The following ARID4B variants were observed in gnomAD, a reference collection of about 807,000 sequenced individuals.
ARID4B encodes AT-rich interactive domain-containing protein 4B.
In ARID4B, 26 loss-of-function variants were observed where a neutral mutation model predicts 147.5. That is an observed-to-expected ratio of 0.18 (90% CI 0.13 to 0.24). The LOEUF is 0.24. Ranked by LOEUF, ARID4B falls within the 10% of genes least tolerant of loss-of-function variation. ARID4B has a pLI of 1.00. For missense variants in ARID4B, 1,179 were observed against 1,511.5 expected (o/e 0.78, Z 3.65); for synonymous variants, 512 against 507.9 (o/e 1.01, Z -0.11).
chr1:235,325,383 G>A (rs903528899), intron 2 of ARID4B, among the ~76,000 whole-genome samples: 6 of 149,010 alleles, frequency 4.0e-5, no homozygotes, highest in African/African-American at 4.9e-5. Context: ...AAAAGGAAAC[G>A]AAAGGAAGAA....
chr1:235,233,214 A>G (rs1404947986), intron 9 of ARID4B, among the ~76,000 whole-genome samples: 1 of 152,128 alleles, frequency 6.6e-6, no homozygotes, highest in Non-Finnish European at 1.5e-5. Flanking sequence ...TTGGGAGGCC[A>G]GGGCATTTGG....
chr1:235,278,545 G>A (rs1671482469), intron 2 of ARID4B, among the ~76,000 whole-genome samples: 2 of 152,168 alleles, frequency 1.3e-5, no homozygotes, highest in Admixed American at 1.3e-4. Context: ...TTACCCAAGG[G>A]AGATGATAAA....
At chr1:235,274,677 T>C (rs1671205041) in intron 2 of ARID4B, among the ~76,000 whole-genome samples, 1 of 152,080 alleles carries the variant, frequency 6.6e-6, no homozygotes, top group Admixed American at 6.5e-5. Context: ...TTCGGAGAAG[T>C]CCAGTTTGAT....
intron 21 of ARID4B, chr1:235,176,793 G>T (rs1023257966): frequency 2.1e-6 from 1 of 467,564 alleles, no homozygotes; most frequent in African/African-American, 2.0e-5. Flanking sequence ...GGAGCTGGCC[G>T]AATAACCCTT....
At chr1:235,279,833 A>C (rs993938775) in intron 2 of ARID4B, among the ~76,000 whole-genome samples, 2 of 152,208 alleles carry the variant, frequency 1.3e-5, no homozygotes, top group African/African-American at 4.8e-5. Context: ...AAAACCCTGG[A>C]TGCTGAGTTT....
chr1:235,260,551 T>A, intron 3 of ARID4B, 91 bp downstream of exon 3: 2 of 928,640 alleles, frequency 2.2e-6, no homozygotes, highest in Non-Finnish European at 3.1e-6. Context: ...TAGAAACTTA[T>A]TTTGCAGAAA....
chr1:235,327,185 T>C (rs1005269311), intron 1 of ARID4B: 9 of 456,614 alleles, frequency 2.0e-5, no homozygotes, highest in East Asian at 3.8e-5. Context: ...CCCGTCCCCA[T>C]TGTCGAGACC....
chr1:235,248,428 T>C (rs749263863), intron 6 of ARID4B, among the ~76,000 whole-genome samples: 2 of 152,228 alleles, frequency 1.3e-5, no homozygotes, highest in Non-Finnish European at 2.9e-5. Context: ...TTGGTAATAC[T>C]GTATCACTAT....
chr1:235,248,915 T>C (rs940388079), intron 6 of ARID4B, among the ~76,000 whole-genome samples: 4 of 152,304 alleles, frequency 2.6e-5, no homozygotes, highest in African/African-American at 9.6e-5. Flanking sequence ...GAAAACTCCG[T>C]AGGCCTAGAG....
At chr1:235,290,672 T>C (rs1672281042) in intron 2 of ARID4B, among the ~76,000 whole-genome samples, 1 of 152,120 alleles carries the variant, frequency 6.6e-6, no homozygotes, top group Non-Finnish European at 1.5e-5. Flanking sequence ...CAAAAACAAT[T>C]GAGGAAACTG....
At chr1:235,309,093 T>G (rs1378354719) in intron 2 of ARID4B, among the ~76,000 whole-genome samples, 1 of 133,700 alleles carries the variant, frequency 7.5e-6, no homozygotes, top group Non-Finnish European at 1.6e-5. Flanking sequence ...CGGCCGCCCA[T>G]TGTCTGAGAT....
At chr1:235,227,384 G>A (rs907124442) in intron 11 of ARID4B, among the ~76,000 whole-genome samples, 6 of 152,154 alleles carry the variant, frequency 3.9e-5, no homozygotes, top group Admixed American at 3.9e-4. Context: ...AGCAGTCAGG[G>A]AGAAGACTGA....
rs545482394 is a variant in ARID4B at position 235,322,121 on chromosome 1, C to T, written c.6+4793G>A. Reference sequence around the variant, plus strand: ...TCGGCTCACTGTAACCTCCACCTCCCGTGTTCAAGCTATTCTTCTGCCTCA... The same window carrying T: ...TCGGCTCACTGTAACCTCCACCTCCTGTGTTCAAGCTATTCTTCTGCCTCA... On this transcript the variant is annotated intron_variant, in intron 2 of 23. Transcript: ENST00000264183. Among the ~76,000 whole-genome samples, 3 of 152,144 alleles carry T rather than the reference C, an allele frequency of 2.0e-5. No individual in the cohort carries two copies. The South Asian group carries it at 6.2e-4, about 32-fold the overall frequency.
intron 19 of ARID4B, among the ~76,000 whole-genome samples, chr1:235,185,975 CT>C (rs35784051): frequency 7.8e-4 from 112 of 143,372 alleles, no homozygotes; most frequent in Non-Finnish European, 8.8e-4. Context: ...TAGTTATTTG[CT>C]TTTTTTTTTT....
intron 15 of ARID4B, 101 bp from the exon 16 acceptor site, chr1:235,220,069 A>C: frequency 1.2e-6 from 1 of 844,436 alleles, no homozygotes. Context: ...CAATTCTAAT[A>C]TTAAAAGTTA....
intron 2 of ARID4B, among the ~76,000 whole-genome samples, chr1:235,268,309 G>A (rs1670748579): frequency 6.6e-6 from 1 of 151,996 alleles, no homozygotes. Context: ...ATATTGGACT[G>A]GAATTGGAAA....
At chr1:235,259,541 T>G (rs1670173660) in intron 3 of ARID4B, among the ~76,000 whole-genome samples, 1 of 152,196 alleles carries the variant, frequency 6.6e-6, no homozygotes. Flanking sequence ...TACAGGATAG[T>G]ACTGGCAAAA....
At chr1:235,225,401 T>C (rs777210804) in intron 11 of ARID4B, among the ~76,000 whole-genome samples, 28 of 152,208 alleles carry the variant, frequency 1.8e-4, no homozygotes, top group Non-Finnish European at 4.0e-4. Flanking sequence ...AGGACTAGCT[T>C]CTTGCTGCTG....
chr1:235,172,214 G>T (rs1205904250), intron 23 of ARID4B, among the ~76,000 whole-genome samples: 1 of 152,100 alleles, frequency 6.6e-6, no homozygotes, highest in African/African-American at 2.4e-5. Flanking sequence ...TAAAGAATTT[G>T]CCTGAAAATA....
Sources: allele counts gnomAD v4.1 joint callset (sites outside exome capture counted in the v4.1 genomes callset), GRCh38; gene constraint gnomAD v4.1.1; transcripts MANE v1.5; gene names NCBI Gene and HGNC (gene_info 2026-07-23, HGNC 2026-07-21).